The following MAN2B2 variants were observed in gnomAD, a reference collection of about 807,000 sequenced individuals.
MAN2B2 encodes mannosidase alpha class 2B member 2.
MAN2B2 carries 106 observed loss-of-function variants against 117.1 expected under a neutral mutation model. That is an observed-to-expected ratio of 0.90 (90% CI 0.77 to 1.06). The LOEUF is 1.06. MAN2B2 is among the 50% of genes least tolerant of loss of function. The pLI is 0.00. For synonymous variants in MAN2B2, 544 were observed against 595.1 expected (o/e 0.91, Z 1.25); for missense variants, 1,326 against 1,381.4 (o/e 0.96, Z 0.64).
chr4:6,601,168 A>T (rs1281616062), intron 10 of MAN2B2, among the ~76,000 whole-genome samples: 1 of 152,198 alleles, frequency 6.6e-6, no homozygotes, highest in Non-Finnish European at 1.5e-5. Context: ...CAGCTCACAG[A>T]ACTCAGGCAA....
At chr4:6,606,685 G>A (rs1011213527) in intron 11 of MAN2B2, among the ~76,000 whole-genome samples, 4 of 152,234 alleles carry the variant, frequency 2.6e-5, no homozygotes, top group Non-Finnish European at 5.9e-5. Flanking sequence ...CCCACCAGGG[G>A]TAAGCCTTGC....
At chr4:6,582,247 G>A (rs540663744) in intron 3 of MAN2B2, among the ~76,000 whole-genome samples, 21 of 152,154 alleles carry the variant, frequency 1.4e-4, no homozygotes, top group Middle Eastern at 3.4e-3. Flanking sequence ...CACTGAATCC[G>A]CGATCCCTCT....
rs752752195 is a variant in MAN2B2, at chr4:6,576,705, C to G, written c.266C>G (p.Ser89Trp). 3.1e-6 allele frequency: 5 copies of G among 1,613,772 alleles called. No individual in the cohort carries two copies. The East Asian group carries it at 1.1e-4, about 36-fold the overall frequency. Residue 89 changes from serine (S) to tryptophan (W), a missense_variant, in exon 2 of 19, where the codon TCG becomes TGG. Transcript: ENST00000285599. ...FFRLWWDGVA[S>W]DQQKYQVRQL... ...CGGCTGTGGTGGGATGGCGTCGCCTCGGACCAGCAGAAATACCAGGTAATG... is the reference window on the plus strand; with the variant it reads ...CGGCTGTGGTGGGATGGCGTCGCCTGGGACCAGCAGAAATACCAGGTAATG...
rs756902049 is a variant in MAN2B2, at chr4:6,598,336, C to T, written c.1387C>T (p.Pro463Ser). Residue 463 changes from proline to serine, a missense_variant, in exon 9 of 19, where the codon CCC (proline) becomes TCC (serine). Transcript: ENST00000285599. ...IVLDELQPQAPMAASSDAGPA... is the reference protein window; with the variant it reads ...IVLDELQPQASMAASSDAGPA... ...CCTAGATGAGCTCCAGCCCCAGGCA[C>T]CCATGGCGGCCAGCTCCGGTGAGCA... 6.8e-6 allele frequency: 11 copies of T among 1,612,432 alleles called. No homozygotes were observed. The East Asian group carries it at 2.5e-4, about 36-fold the overall frequency.
rs1726997755 is a variant in MAN2B2, at chr4:6,594,634, T to A, written c.959T>A (p.Val320Glu). 6.2e-7 allele frequency: 1 copy of A among 1,613,552 alleles called. No homozygotes were observed. Among genetic ancestry groups the A allele is most frequent in the South Asian group, 1.1e-5 (1 of 91,092 alleles). Residue 320 changes from valine (V) to glutamate (E), a missense_variant, in exon 7 of 19, where the codon GTG becomes GAG. By Grantham distance (121) the Val-to-Glu change is moderately radical. Coordinates refer to ENST00000285599, the MANE Select transcript of MAN2B2 (RefSeq NM_015274.3). ...CATGCTGCCGAGCTCGGTGTCTCGG[T>A]GCAGTATGCCACGCTGGGCGACTAC... ...NSHAAELGVS[V>E]QYATLGDYFR...
chr4:6,593,979 C>T (rs965980473), intron 6 of MAN2B2, among the ~76,000 whole-genome samples: 3 of 152,192 alleles, frequency 2.0e-5, no homozygotes, highest in Admixed American at 6.5e-5. Context: ...CCCAGTCAGG[C>T]GGGCCCCAGA....
At position 6,597,239 on chromosome 4, in the gene MAN2B2, G is replaced by C; in HGVS notation, c.1184G>C (p.Arg395Pro). 6.2e-7 allele frequency: 1 copy of C among 1,603,738 alleles called. No homozygotes were observed. Among genetic ancestry groups the C allele is most frequent in the Non-Finnish European group, 8.5e-7 (1 of 1,174,348 alleles). Residue 395 changes from arginine (R) to proline (P), a missense_variant, in exon 8 of 19, where the codon CGT becomes CCT. Arg to Pro is a moderately radical substitution (Grantham distance 103). Transcript: ENST00000285599. ...MFTRYLWPAP[R>P]GHLDPTWALQ... is the part of the protein sequence containing the mutation. Reference sequence around the variant, plus strand: ...ACACGCTACCTGTGGCCGGCCCCCCGTGGGCATCTGGACCCCACCTGGGCC... The same window carrying C: ...ACACGCTACCTGTGGCCGGCCCCCCCTGGGCATCTGGACCCCACCTGGGCC...
At position 6,598,339 on chromosome 4, in the gene MAN2B2, A is replaced by G; in HGVS notation, c.1390A>G (p.Met464Val). Residue 464 changes from methionine (M) to valine (V), a missense_variant, in exon 9 of 19, where the codon ATG (methionine) becomes GTG (valine). Transcript: ENST00000285599. ...AGATGAGCTCCAGCCCCAGGCACCCATGGCGGCCAGCTCCGGTGAGCAGGG... is the reference window on the plus strand; with the variant it reads ...AGATGAGCTCCAGCCCCAGGCACCCGTGGCGGCCAGCTCCGGTGAGCAGGG... Reference protein sequence around the residue: ...VLDELQPQAPMAASSDAGPAG... With the variant: ...VLDELQPQAPVAASSDAGPAG... The G allele has an allele frequency of 6.2e-7, 1 of 1,612,468 alleles. No individual in the cohort carries two copies. The highest frequency in any genetic ancestry group is 8.5e-7 in the Non-Finnish European group (1 of 1,179,434).
intron 3 of MAN2B2, among the ~76,000 whole-genome samples, chr4:6,579,210 T>TCACCACCACCACCACCATCACCAC (rs1726270039): frequency 4.6e-5 from 1 of 21,518 alleles, no homozygotes; most frequent in African/African-American, 1.3e-4. Flanking sequence ...ACCATCACCA[T>TCACCACCACCACCACCATCACCAC]CACCACCACC....
At chr4:6,617,059 T>C (rs1245660220) in intron 16 of MAN2B2, among the ~76,000 whole-genome samples, 1 of 152,174 alleles carries the variant, frequency 6.6e-6, no homozygotes, top group African/African-American at 2.4e-5. Flanking sequence ...TCTTACATGG[T>C]GGCAGGCAAG....
chr4:6,586,809 A>T (rs1726647927), intron 3 of MAN2B2, among the ~76,000 whole-genome samples, 187 bp from the exon 4 acceptor site: 1 of 152,232 alleles, frequency 6.6e-6, no homozygotes, highest in Non-Finnish European at 1.5e-5. Flanking sequence ...ATTGTATGTT[A>T]TATGTACTTC....
At chr4:6,617,266 G>A (rs542655967) in intron 16 of MAN2B2, 114 bp from the exon 17 acceptor site, 35 of 741,978 alleles carry the variant, frequency 4.7e-5, no homozygotes, top group Middle Eastern at 3.9e-4. Context: ...AAACCATATC[G>A]AGGAGGTTAC....
intron 11 of MAN2B2, among the ~76,000 whole-genome samples, chr4:6,605,567 G>A (rs1727511662): frequency 1.3e-5 from 2 of 152,068 alleles, no homozygotes; most frequent in Admixed American, 6.5e-5. Flanking sequence ...AATGAGCACT[G>A]AGGGACTCAC....
At chr4:6,576,524 AG>A (rs1726064421) in intron 1 of MAN2B2, 53 bp from the exon 2 acceptor site, 3 of 1,589,438 alleles carry the variant, frequency 1.9e-6, no homozygotes, top group Admixed American at 3.4e-5. Flanking sequence ...CAGGGGCCCC[AG>A]GGACACTTGG....
intron 6 of MAN2B2, 68 bp downstream of exon 6, chr4:6,593,418 T>G: frequency 6.8e-7 from 1 of 1,471,742 alleles, no homozygotes; most frequent in South Asian, 1.3e-5. Flanking sequence ...CCCTGGTCCC[T>G]GCACCCAGGG....
intron 5 of MAN2B2, among the ~76,000 whole-genome samples, chr4:6,592,891 C>T (rs1340606534): frequency 1.3e-5 from 2 of 152,214 alleles, no homozygotes; most frequent in African/African-American, 2.4e-5. Context: ...AGAATTGAGG[C>T]ACCCCCATAA....
intron 3 of MAN2B2, among the ~76,000 whole-genome samples, chr4:6,578,964 T>C (rs1577268921): frequency 2.1e-5 from 3 of 144,484 alleles, no homozygotes; most frequent in African/African-American, 2.6e-5. Context: ...ACTACTACCA[T>C]CACCACCACC....
intron 5 of MAN2B2, among the ~76,000 whole-genome samples, chr4:6,591,272 G>T (rs558268599): frequency 6.6e-6 from 1 of 152,202 alleles, no homozygotes; most frequent in African/African-American, 2.4e-5. Context: ...CGTTCACCCC[G>T]TGGTGAGGGA....
At chr4:6,595,942 GCA>G (rs1727060250) in intron 7 of MAN2B2, among the ~76,000 whole-genome samples, 1 of 152,210 alleles carries the variant, frequency 6.6e-6, no homozygotes, top group African/African-American at 2.4e-5. Flanking sequence ...AGGTGGGGCT[GCA>G]CACACGGGTT....
Sources: allele counts gnomAD v4.1 joint callset (sites outside exome capture counted in the v4.1 genomes callset), GRCh38; gene constraint gnomAD v4.1.1; transcripts MANE v1.5; gene names NCBI Gene and HGNC (gene_info 2026-07-23, HGNC 2026-07-21).